The following ZNF280B variants were observed in gnomAD, a reference collection of about 807,000 sequenced individuals.
ZNF280B encodes zinc finger protein 280B, also known as suppressor of hairy wing homolog 2.
In ZNF280B, 16 loss-of-function variants were observed where a neutral mutation model predicts 38.0. The ratio of observed to expected loss-of-function variants is 0.42; its 90% CI spans 0.28 to 0.64. ZNF280B has a LOEUF of 0.64. ZNF280B is among the 30% of genes least tolerant of loss of function. The pLI, the probability that ZNF280B is intolerant of heterozygous loss-of-function variation, is 0.21. For synonymous variants in ZNF280B, 253 were observed against 230.6 expected (o/e 1.10, Z -0.88); for missense variants, 581 against 639.6 (o/e 0.91, Z 0.99).
At chr22:22,507,478 C>T (rs2061961806) in intron 2 of ZNF280B, among the ~76,000 whole-genome samples, 1 of 151,800 alleles carries the variant, frequency 6.6e-6, no homozygotes, top group Non-Finnish European at 1.5e-5. Context: ...ATGCAGTTAC[C>T]TCATGAAATA....
At chr22:22,492,136 C>T (rs1601705787) in intron 3 of ZNF280B, among the ~76,000 whole-genome samples, 1 of 151,822 alleles carries the variant, frequency 6.6e-6, no homozygotes, top group East Asian at 2.0e-4. Flanking sequence ...ATTAAGTAAG[C>T]ATTGTCAACT....
Position 22,489,170 on chromosome 22 carries a change from G to A in ZNF280B, c.229C>T (p.His77Tyr). The A allele has an allele frequency of 6.2e-7, 1 of 1,613,758 alleles. No individual in the cohort carries two copies. Among genetic ancestry groups the A allele is most frequent in the Non-Finnish European group, 8.5e-7 (1 of 1,179,942 alleles). Reference sequence around the variant, plus strand: ...TTGCGAGCAGTATCTTTTCTAAGGTGATCATACTTTTTTCTCCTTGACCAT... The same window carrying A: ...TTGCGAGCAGTATCTTTTCTAAGGTAATCATACTTTTTTCTCCTTGACCAT... ...GSWSRRKKYD[H>Y]LRKDTARKLQ... Residue 77 changes from histidine (H) to tyrosine (Y), a missense_variant, in exon 4 of 4, where the codon CAC becomes TAC. Transcript: ENST00000626650.
At position 22,485,082 on chromosome 22, in the gene ZNF280B, T is replaced by C. The variant is rs73156169; in HGVS notation, c.*2685A>G. 0.01 allele frequency: 1,570 copies of C among 152,316 alleles called. 11 individuals carry two copies. The highest frequency in any genetic ancestry group is 0.017 in the Non-Finnish European group (1,186 of 67,998). The allele number at this position is 152,316 out of a possible 1,614,324, so 9.4% of individuals were successfully genotyped here. A position where few individuals can be genotyped will look rare whatever the true frequency, so the allele number is the denominator to read the frequency against. On this transcript the variant is annotated 3_prime_UTR_variant, in exon 4 of 4. Coordinates refer to ENST00000626650, the MANE Select transcript of ZNF280B (RefSeq NM_080764.4). Reference sequence around the variant, plus strand: ...GCCAGTGTGTCAAAATAGTGCATCATTGGGGAAAACAGTGGAGAAGCATGA... The same window carrying C: ...GCCAGTGTGTCAAAATAGTGCATCACTGGGGAAAACAGTGGAGAAGCATGA...
Position 22,489,440 on chromosome 22 carries a change from C to G in ZNF280B, c.-42G>C. 2 of 1,527,992 alleles carry G rather than the reference C, an allele frequency of 1.3e-6. No homozygotes were observed. The highest frequency in any genetic ancestry group is 4.5e-5 in the East Asian group (2 of 44,266). The allele number at this position is 1,527,992 out of a possible 1,614,324, so 94.7% of individuals were successfully genotyped here. A position where few individuals can be genotyped will look rare whatever the true frequency, so the allele number is the denominator to read the frequency against. On this transcript the variant is annotated 5_prime_UTR_variant, in exon 4 of 4. Transcript: ENST00000626650. ...TCCTGAATGGTGGGGCCACAAGTCC[C>G]AATGCTTCCTTTATATAAACTGCCA...
Position 22,488,194 on chromosome 22 carries a change from G to A in ZNF280B, c.1205C>T (p.Pro402Leu). 1 of 1,613,858 alleles carries A rather than the reference G, an allele frequency of 6.2e-7. No individual in the cohort carries two copies. Among genetic ancestry groups the A allele is most frequent in the Non-Finnish European group, 8.5e-7 (1 of 1,179,982 alleles). ...MKDHHKPGEMPYVCQVCHYRS... is the reference protein window; with the variant it reads ...MKDHHKPGEMLYVCQVCHYRS... ...ATAATGGCAAACCTGGCACACATAG[G>A]GCATTTCGCCAGGCTTATGATGGTC... Residue 402 changes from proline to leucine, a missense_variant, in exon 4 of 4, where the codon CCC (proline) becomes CTC (leucine). Transcript: ENST00000626650.
intron 2 of ZNF280B, among the ~76,000 whole-genome samples, chr22:22,494,912 G>A (rs2061664507): frequency 6.6e-6 from 1 of 151,896 alleles, no homozygotes; most frequent in Non-Finnish European, 1.5e-5. Context: ...ATTTTTAGTA[G>A]AGATGGGGTT....
At chr22:22,498,589 C>CA (rs2061747530) in intron 2 of ZNF280B, among the ~76,000 whole-genome samples, 1 of 151,694 alleles carries the variant, frequency 6.6e-6, no homozygotes, top group South Asian at 2.1e-4. Flanking sequence ...AAAACTTCCC[C>CA]AAATAAAAGC....
In ZNF280B at chr22:22,486,647, C is replaced by T. The variant is rs1304184889; in HGVS notation, c.*1120G>A. ...TCTATTAATTTTATTGCTATTTCAC[C>T]TCAAACCAATGATACATGACGGCTG... On this transcript the variant is annotated 3_prime_UTR_variant, in exon 4 of 4. Coordinates refer to ENST00000626650, the MANE Select transcript of ZNF280B (RefSeq NM_080764.4). 4 of 152,012 alleles carry T rather than the reference C, an allele frequency of 2.6e-5. No homozygotes were observed. Among genetic ancestry groups the T allele is most frequent in the Non-Finnish European group, 5.9e-5 (4 of 68,020 alleles). 9.4% of individuals were successfully genotyped at this position (152,012 alleles called of 1,614,324 possible).
At chr22:22,496,734 AAATCT>A (rs2061703450) in intron 2 of ZNF280B, among the ~76,000 whole-genome samples, 1 of 151,772 alleles carries the variant, frequency 6.6e-6, no homozygotes, top group South Asian at 2.1e-4. Flanking sequence ...TGGTGGCCTA[AAATCT>A]AATCACAGAA....
intron 2 of ZNF280B, among the ~76,000 whole-genome samples, chr22:22,501,015 G>A (rs1239202518): frequency 1.8e-4 from 12 of 67,966 alleles, no homozygotes; most frequent in South Asian, 8.0e-4. Flanking sequence ...CCAAGACTCC[G>A]TCTCAAAAAA....
At chr22:22,495,308 TC>T (rs1196301616) in intron 2 of ZNF280B, among the ~76,000 whole-genome samples, 1 of 151,994 alleles carries the variant, frequency 6.6e-6, no homozygotes, top group Non-Finnish European at 1.5e-5. Context: ...ATAACCTTTT[TC>T]CATTAATGAA....
intron 2 of ZNF280B, among the ~76,000 whole-genome samples, chr22:22,499,447 A>C (rs745370518): frequency 6.6e-5 from 10 of 151,606 alleles, no homozygotes; most frequent in Non-Finnish European, 1.3e-4. Context: ...TTGTATTTTT[A>C]GTAGAGACAT....
At chr22:22,497,684 T>C (rs1259887955) in intron 2 of ZNF280B, among the ~76,000 whole-genome samples, 1 of 151,848 alleles carries the variant, frequency 6.6e-6, no homozygotes, top group South Asian at 2.1e-4. Flanking sequence ...AATGGTGGAA[T>C]AAAGACCTAC....
At position 22,489,294 on chromosome 22, in the gene ZNF280B, C is replaced by G; in HGVS notation, c.105G>C (p.Val35=). The part of the protein sequence containing the change: ...DEDAELIFVG[V]EHVNEDAELI... Reference sequence around the variant, plus strand: ...GCTCAGCATCTTCATTTACATGTTCCACACCAACAAAGATGAGCTCAGCAT... The same window carrying G: ...GCTCAGCATCTTCATTTACATGTTCGACACCAACAAAGATGAGCTCAGCAT... Residue 35 remains valine (V), a synonymous_variant, in exon 4 of 4, where the codon GTG becomes GTC. Coordinates refer to ENST00000626650, the MANE Select transcript of ZNF280B (RefSeq NM_080764.4). 4.3e-6 allele frequency: 7 copies of G among 1,613,822 alleles called. 1 individual carries two copies. The highest frequency in any genetic ancestry group is 5.9e-6 in the Non-Finnish European group (7 of 1,179,958).
intron 2 of ZNF280B, among the ~76,000 whole-genome samples, chr22:22,503,603 T>A (rs1339464187): frequency 6.6e-6 from 1 of 151,976 alleles, no homozygotes; most frequent in African/African-American, 2.4e-5. Context: ...TTCCCAAGGA[T>A]GGAACAGTTA....
chr22:22,495,782 C>A (rs1027854031), intron 2 of ZNF280B, among the ~76,000 whole-genome samples: 8 of 151,502 alleles, frequency 5.3e-5, no homozygotes, highest in African/African-American at 1.9e-4. Context: ...CTCCTAGACT[C>A]TCAGGCTAGA....
intron 3 of ZNF280B, among the ~76,000 whole-genome samples, chr22:22,490,927 A>G (rs1019256867): frequency 1.3e-5 from 2 of 151,022 alleles, no homozygotes; most frequent in African/African-American, 2.4e-5. Flanking sequence ...AAATATTCCA[A>G]CCAACCTCTA....
At chr22:22,507,969 T>C (rs569978513) in intron 1 of ZNF280B, 99 bp from the exon 2 acceptor site, 7 of 152,046 alleles carry the variant, frequency 4.6e-5, no homozygotes, top group African/African-American at 1.7e-4. Context: ...ATCAATCATC[T>C]CACACTTAAC....
chr22:22,492,789 G>A (rs1279089189), intron 3 of ZNF280B, among the ~76,000 whole-genome samples: 3 of 151,268 alleles, frequency 2.0e-5, no homozygotes, highest in Admixed American at 6.6e-5. Context: ...GGGAGGCTGA[G>A]GCAGGAGAAT....
Sources: allele counts gnomAD v4.1 joint callset (sites outside exome capture counted in the v4.1 genomes callset), GRCh38; gene constraint gnomAD v4.1.1; transcripts MANE v1.5; gene names NCBI Gene and HGNC (gene_info 2026-07-23, HGNC 2026-07-21).